The following ANKMY1 variants were observed in gnomAD, a reference collection of about 807,000 sequenced individuals.
ANKMY1 encodes ankyrin repeat and MYND domain containing 1.
Under a neutral mutation model 102.0 loss-of-function variants are expected in ANKMY1, and 98 were observed. That is an observed-to-expected ratio of 0.96 (90% confidence interval 0.82 to 1.14). The LOEUF is 1.14. Ranked by LOEUF, ANKMY1 falls within the 50% of genes most tolerant of loss-of-function variation. The probability of loss-of-function intolerance (pLI) is 0.00; values close to 1 mark genes in which losing one functional copy is unlikely to be tolerated. For synonymous variants in ANKMY1, 582 were observed against 559.9 expected (o/e 1.04, Z -0.56); for missense variants, 1,330 against 1,347.6 (o/e 0.99, Z 0.20).
downstream of ANKMY1, among the ~76,000 whole-genome samples, chr2:240,479,190 C>G (rs1361018613): frequency 6.6e-6 from 1 of 152,338 alleles, no homozygotes; most frequent in South Asian, 2.1e-4. Context: ...GTGGAGCCTG[C>G]TGCCGCGGGC....
chr2:240,514,152 G>A (rs1266762733), intron 9 of ANKMY1, among the ~76,000 whole-genome samples: 1 of 152,242 alleles, frequency 6.6e-6, no homozygotes, highest in Non-Finnish European at 1.5e-5. Flanking sequence ...ACCCAGCTGA[G>A]GGGTGAATCA....
intron 4 of ANKMY1, among the ~76,000 whole-genome samples, chr2:240,535,687 C>A (rs755980523): frequency 1.3e-5 from 2 of 152,138 alleles, no homozygotes; most frequent in Admixed American, 6.5e-5. Context: ...CAAAACCCAT[C>A]TGGTAAGAAT....
At chr2:240,486,086 A>C (rs1240728142) in intron 15 of ANKMY1, among the ~76,000 whole-genome samples, 3 of 152,200 alleles carry the variant, frequency 2.0e-5, no homozygotes, top group Admixed American at 6.5e-5. Flanking sequence ...TATTCTAAAG[A>C]AGCTGAGAGA....
upstream of ANKMY1, chr2:240,560,061 TGAA>T (rs1254154012): frequency 6.6e-6 from 1 of 152,398 alleles, no homozygotes; most frequent in African/African-American, 2.4e-5. Context: ...GTGTGGTCTA[TGAA>T]GAAGTGATGA....
At chr2:240,537,618 A>C (rs1245431978) in intron 4 of ANKMY1, among the ~76,000 whole-genome samples, 1 of 152,136 alleles carries the variant, frequency 6.6e-6, no homozygotes, top group African/African-American at 2.4e-5. Context: ...CCACAGTCCC[A>C]CTCCCAAGTA....
Position 240,554,998 on chromosome 2 carries a change from CGCCCTCAGCGG to C in ANKMY1, c.193_203del (p.Pro65AlafsTer141). The C allele has an allele frequency of 6.2e-7, 1 of 1,614,192 alleles. No homozygotes were observed. The highest frequency in any genetic ancestry group is 8.5e-7 in the Non-Finnish European group (1 of 1,180,024). On this transcript the variant is annotated frameshift_variant, in exon 3 of 18. Transcript: ENST00000401804. LOFTEE classifies it high-confidence loss of function. The stretch of plus-strand genomic sequence containing the variant: ...GGATGTAGGACTCCCTCAGGTCCTG[CGCCCTCAGCGG>C]GCCCTCAGCTTCCTCCTCTTCCTTC...
chr2:240,507,521 AC>A, intron 13 of ANKMY1, 38 bp downstream of exon 13: 1 of 1,509,624 alleles, frequency 6.6e-7, no homozygotes, highest in Non-Finnish European at 8.9e-7. Flanking sequence ...CCACCCTCAA[AC>A]CCCCTCACCA....
At chr2:240,546,645 A>C (rs1040237261) in intron 4 of ANKMY1, among the ~76,000 whole-genome samples, 2 of 152,236 alleles carry the variant, frequency 1.3e-5, no homozygotes, top group African/African-American at 4.8e-5. Context: ...ACATAGGCTC[A>C]AAATAAAAGG....
chr2:240,486,949 G>A (rs2076125988), intron 15 of ANKMY1, among the ~76,000 whole-genome samples: 1 of 152,146 alleles, frequency 6.6e-6, no homozygotes, highest in South Asian at 2.1e-4. Flanking sequence ...ACATCAAAAA[G>A]TTTTGTGACA....
intron 15 of ANKMY1, among the ~76,000 whole-genome samples, chr2:240,483,099 T>A (rs1167933898): frequency 6.6e-6 from 1 of 152,218 alleles, no homozygotes; most frequent in Non-Finnish European, 1.5e-5. Flanking sequence ...CCAGCCTTCT[T>A]GTGATTGCTG....
chr2:240,508,860 G>T (rs1480579600), intron 12 of ANKMY1, among the ~76,000 whole-genome samples: 1 of 152,166 alleles, frequency 6.6e-6, no homozygotes, highest in African/African-American at 2.4e-5. Context: ...GTGGGTGGAT[G>T]GATGAATGGA....
At chr2:240,560,677 CGGGCGCCATGGGACCGGCAGAAGCT>C (rs1445044907), upstream of ANKMY1, 12 of 1,510,940 alleles carry the variant, frequency 7.9e-6, no homozygotes, top group East Asian at 2.7e-4. Flanking sequence ...GACTCTTCGG[CGGGCGCCATGGGACCGGCAGAAGCT>C]GGGCGCCGCG....
chr2:240,500,358 C>T (rs1418888300), intron 14 of ANKMY1, 94 bp downstream of exon 14: 1 of 1,362,380 alleles, frequency 7.3e-7, no homozygotes, highest in South Asian at 1.3e-5. Flanking sequence ...GAACCTTGAG[C>T]CCAGCTTTGC....
chr2:240,538,307 T>A (rs73105975), intron 4 of ANKMY1, among the ~76,000 whole-genome samples: 24,850 of 151,830 alleles, frequency 0.16, 2,185 homozygotes, highest in Middle Eastern at 0.3. Flanking sequence ...GAAATGGGGC[T>A]GCGAGCGGCG....
chr2:240,526,500 G>T, intron 5 of ANKMY1, 55 bp from the exon 6 acceptor site: 1 of 1,608,304 alleles, frequency 6.2e-7, no homozygotes, highest in South Asian at 1.1e-5. Context: ...CCTCCCACGA[G>T]AAAGGGTCCA....
chr2:240,557,278 G>T lies in ANKMY1; in HGVS notation c.58C>A (p.Arg20Ser). 1 of 1,594,148 alleles carries T rather than the reference G, an allele frequency of 6.3e-7. No individual in the cohort carries two copies. The highest frequency in any genetic ancestry group is 8.6e-7 in the Non-Finnish European group (1 of 1,169,510). Reference sequence around the variant, plus strand: ...CCCTTCCCCTCTAGCGGGCGTTGGCGGCTGCCAGCCCCAGAGACTTCGTCC... The same window carrying T: ...CCCTTCCCCTCTAGCGGGCGTTGGCTGCTGCCAGCCCCAGAGACTTCGTCC... ...LEDEVSGAGSRQRPLEGKGGE... is the reference protein window; with the variant it reads ...LEDEVSGAGSSQRPLEGKGGE... Residue 20 changes from arginine to serine, a missense_variant, in exon 2 of 18, where the codon CGC becomes AGC. By Grantham distance (110) the Arg-to-Ser change is moderately radical. Coordinates refer to ENST00000401804, the MANE Select transcript of ANKMY1 (RefSeq NM_001282771.3).
chr2:240,509,163 G>A (rs2079627436), intron 12 of ANKMY1, among the ~76,000 whole-genome samples, 185 bp downstream of exon 12: 2 of 151,502 alleles, frequency 1.3e-5, no homozygotes, highest in Non-Finnish European at 2.9e-5. Flanking sequence ...GTGAGTGGAA[G>A]AGTGAGTGAA....
intron 15 of ANKMY1, among the ~76,000 whole-genome samples, chr2:240,487,957 A>T (rs2151904750): frequency 6.6e-6 from 1 of 152,238 alleles, no homozygotes. Flanking sequence ...TTCTTTCATT[A>T]TGCAGAAACT....
chr2:240,509,246 T>TAGAC (rs953250491), intron 12 of ANKMY1, 102 bp downstream of exon 12: 3 of 997,458 alleles, frequency 3.0e-6, no homozygotes, highest in Admixed American at 2.5e-5. Context: ...GATGGATGGA[T>TAGAC]AAATGGCCAA....
Sources: gnomAD v4.1 joint callset for allele counts (sites outside exome capture counted in the v4.1 genomes callset) on GRCh38, gnomAD v4.1.1 for gene constraint, MANE v1.5 for transcripts, NCBI Gene and HGNC (gene_info 2026-07-23, HGNC 2026-07-21) for gene names.